Variants in SLC25A51 observed in about 807,000 individuals in gnomAD.
SLC25A51 encodes the protein solute carrier family 25 member 51, also known as mitochondrial nicotinamide adenine dinucleotide transporter SLC25A51.
In SLC25A51, 11 loss-of-function variants were observed where a neutral mutation model predicts 19.1. That is an observed-to-expected ratio of 0.58 (90% CI 0.36 to 0.96). SLC25A51 has a LOEUF of 0.96. Ranked by LOEUF, SLC25A51 falls within the 40% of genes least tolerant of loss-of-function variation. SLC25A51 has a pLI of 0.01. For missense variants in SLC25A51, 201 were observed against 365.4 expected, an observed-to-expected ratio of 0.55 and a Z score of 3.67; for synonymous variants, 105 against 133.6, an observed-to-expected ratio of 0.79 and a Z score of 1.47.
chr9:37,903,119 G>C (rs536301124), intron 1 of SLC25A51, among the ~76,000 whole-genome samples: 1 of 152,146 alleles, frequency 6.6e-6, no homozygotes, highest in Non-Finnish European at 1.5e-5. Flanking sequence ...ATGCGCTAAG[G>C]GTGATTCCAG....
downstream of SLC25A51, chr9:37,887,572 T>TAAA: frequency 7.7e-7 from 1 of 1,293,664 alleles, no homozygotes; most frequent in Non-Finnish European, 1.1e-6. Context: ...GGGATTTCCT[T>TAAA]TAAAAAAAAA....
intron 2 of SLC25A51, among the ~76,000 whole-genome samples, chr9:37,899,174 C>T (rs753816438): frequency 6.6e-5 from 10 of 152,170 alleles, no homozygotes; most frequent in African/African-American, 2.4e-5. Context: ...TCAACAAGGG[C>T]AAGCTATTTT....
intron 2 of SLC25A51, among the ~76,000 whole-genome samples, chr9:37,897,005 C>T (rs1351467492): frequency 6.6e-6 from 1 of 152,004 alleles, no homozygotes; most frequent in Non-Finnish European, 1.5e-5. Context: ...AACTAGCTGT[C>T]CAGAGGGAAT....
chr9:37,888,249 A>G lies in SLC25A51; in HGVS notation c.302T>C (p.Leu101Pro). 6.2e-7 allele frequency: 1 copy of G among 1,614,238 alleles called. No individual in the cohort carries two copies. Among genetic ancestry groups the G allele is most frequent in the Non-Finnish European group, 8.5e-7 (1 of 1,180,040 alleles). The part of the protein sequence containing the change: ...KTTTLALMFG[L>P]YEDLSCLLHK... ...GAGAAGGCAGGATAAATCCTCATAC[A>G]GACCAAACATAAGTGCAAGCGTAGT... The change falls in exon 3 of 3, where the codon CTG becomes CCG. Residue 101 changes from leucine to proline, a missense_variant. Leu to Pro is a moderately conservative substitution (Grantham distance 98, BLOSUM62 -3). Transcript: ENST00000242275.
chr9:37,885,360 A>AC (rs1484242995), downstream of SLC25A51, among the ~76,000 whole-genome samples: 11 of 151,808 alleles, frequency 7.2e-5, no homozygotes, highest in Admixed American at 6.6e-4. Context: ...AAAAAAAAAA[A>AC]AAAAAAAACC....
chr9:37,885,846 A>G (rs1321743898), downstream of SLC25A51: 3 of 1,603,546 alleles, frequency 1.9e-6, no homozygotes, highest in South Asian at 1.1e-5. Context: ...ACTTTACATC[A>G]CACTCTGCAT....
At chr9:37,879,695 C>T (rs916001246) in exon 4 of SLC25A51, 11 of 152,172 alleles carry the variant, frequency 7.2e-5, no homozygotes, top group African/African-American at 2.7e-4. Context: ...GACGGGGGAA[C>T]CTAACCGAGT....
At chr9:37,885,600 ACT>A (rs1214635275), downstream of SLC25A51, 2 of 739,376 alleles carry the variant, frequency 2.7e-6, no homozygotes, top group African/African-American at 3.5e-5. Context: ...TGTGAGTTTC[ACT>A]CTTTTTGGCA....
intron 1 of SLC25A51, among the ~76,000 whole-genome samples, chr9:37,901,129 AGGGGAC>A (rs1172232202): frequency 6.6e-6 from 1 of 152,108 alleles, no homozygotes; most frequent in East Asian, 1.9e-4. Context: ...GGCCTCCCAA[AGGGGAC>A]TACAGGCATC....
intron 2 of SLC25A51, among the ~76,000 whole-genome samples, chr9:37,881,830 C>A (rs909024786): frequency 1.8e-4 from 27 of 152,150 alleles, no homozygotes; most frequent in African/African-American, 5.3e-4. Flanking sequence ...TCTATCACTA[C>A]CACAAAAAAG....
chr9:37,886,511 C>T (rs1325181456), downstream of SLC25A51: 19 of 1,133,498 alleles, frequency 1.7e-5, no homozygotes, highest in African/African-American at 9.4e-5. Context: ...TGGGGCAGTG[C>T]GCAGCTTCTG....
chr9:37,885,352 A>C (rs1210958701), downstream of SLC25A51, among the ~76,000 whole-genome samples: 3 of 151,318 alleles, frequency 2.0e-5, no homozygotes, highest in Non-Finnish European at 2.9e-5. Context: ...TAAAAAAAAA[A>C]AAAAAAAAAA....
intron 1 of SLC25A51, among the ~76,000 whole-genome samples, chr9:37,902,993 G>C (rs973292860): frequency 1.3e-5 from 2 of 152,198 alleles, no homozygotes; most frequent in African/African-American, 4.8e-5. Context: ...TACGACACTA[G>C]CTTGCCAATA....
At chr9:37,888,633 A>G in intron 2 of SLC25A51, 41 bp from the exon 3 acceptor site, 2 of 1,449,394 alleles carry the variant, frequency 1.4e-6, no homozygotes, top group Non-Finnish European at 1.9e-6. Context: ...CGTTTTATAG[A>G]GAGCTAAACA....
intron 2 of SLC25A51, among the ~76,000 whole-genome samples, chr9:37,890,639 T>A (rs1831562244): frequency 6.6e-6 from 1 of 151,810 alleles, no homozygotes; most frequent in South Asian, 2.1e-4. Context: ...CAGGCTGCAG[T>A]GAGCTGTGTT....
chr9:37,879,012 G>T, downstream of SLC25A51: 1 of 264,854 alleles, frequency 3.8e-6, no homozygotes, highest in South Asian at 4.8e-5. Context: ...AGTTGCTTTT[G>T]AAATCAGAAA....
At chr9:37,891,868 T>TATA (rs1554693919) in intron 2 of SLC25A51, among the ~76,000 whole-genome samples, 8 of 129,684 alleles carry the variant, frequency 6.2e-5, no homozygotes, top group East Asian at 2.3e-4. Flanking sequence ...AAAAAAAATT[T>TATA]TATATATATA....
intron 2 of SLC25A51, among the ~76,000 whole-genome samples, chr9:37,892,617 G>A (rs1308039960): frequency 1.3e-5 from 2 of 151,576 alleles, no homozygotes; most frequent in African/African-American, 4.9e-5. Flanking sequence ...CTGTTGCCCA[G>A]GCTGGAATGC....
At chr9:37,899,272 G>C (rs2118371749) in intron 2 of SLC25A51, among the ~76,000 whole-genome samples, 1 of 152,324 alleles carries the variant, frequency 6.6e-6, no homozygotes, top group East Asian at 1.9e-4. Context: ...GCAATATGTG[G>C]ATAAATGCTA....
Sources: gnomAD v4.1 joint callset for allele counts (sites outside exome capture counted in the v4.1 genomes callset) on GRCh38, gnomAD v4.1.1 for gene constraint, MANE v1.5 for transcripts, NCBI Gene and HGNC (gene_info 2026-07-23, HGNC 2026-07-21) for gene names.